CDCA7L: variants seen among roughly 807,000 people sequenced by gnomAD.
CDCA7L encodes the protein cell division cycle-associated 7-like protein.
In CDCA7L, 44 loss-of-function variants were observed where a neutral mutation model predicts 57.4. That is an observed-to-expected ratio of 0.77 (90% CI 0.60 to 0.98). The LOEUF (loss-of-function observed/expected upper bound fraction) is 0.98. Ranked by LOEUF, CDCA7L falls within the 50% of genes least tolerant of loss-of-function variation. The probability of loss-of-function intolerance (pLI) is 0.00; values close to 1 mark genes in which losing one functional copy is unlikely to be tolerated. For missense variants in CDCA7L, 644 were observed against 580.6 expected, an observed-to-expected ratio of 1.11 and a Z score of -1.12; for synonymous variants, 236 against 202.8, an observed-to-expected ratio of 1.16 and a Z score of -1.39.
chr7:21,927,562 G>A (rs922166009), intron 1 of CDCA7L, among the ~76,000 whole-genome samples: 1 of 152,072 alleles, frequency 6.6e-6, no homozygotes, highest in Non-Finnish European at 1.5e-5. Flanking sequence ...TAGGAATGAT[G>A]GGAGACTCAG....
rs1784901275 is a variant in CDCA7L at position 21,902,027 on chromosome 7, CT to C, written c.*294del. ...AATGTTTTCTCTCTAACTTACTTAC[CT>C]GAACTTTAACCCCACCCCATTTAAA... On this transcript the variant is annotated 3_prime_UTR_variant, in exon 10 of 10. Coordinates refer to ENST00000406877, the MANE Select transcript of CDCA7L (RefSeq NM_018719.5). 1 of 410,500 alleles carries C rather than the reference CT, an allele frequency of 2.4e-6. No homozygotes were observed. The highest frequency in any genetic ancestry group is 2.0e-5 in the African/African-American group (1 of 49,982). 25.4% of individuals were successfully genotyped at this position (410,500 alleles called of 1,614,324 possible).
At position 21,901,672 on chromosome 7, in the gene CDCA7L, A is replaced by ATTAT. The variant is rs1784870307; in HGVS notation, c.*646_*649dup. The ATTAT allele has an allele frequency of 1.3e-5, 2 of 156,986 alleles. No homozygotes were observed. The highest frequency in any genetic ancestry group is 4.8e-5 in the African/African-American group (2 of 41,436). 9.7% of individuals were successfully genotyped at this position (156,986 alleles called of 1,614,324 possible). ...TAATTTTTAACAAACAACAAATTAA[A>ATTAT]TTATTAGCCCTTAAACTCTTTCAAA... is the stretch of plus-strand genomic sequence containing the variant. On this transcript the variant is annotated 3_prime_UTR_variant, in exon 10 of 10. Coordinates refer to ENST00000406877, the MANE Select transcript of CDCA7L (RefSeq NM_018719.5).
intron 4 of CDCA7L, among the ~76,000 whole-genome samples, chr7:21,907,354 A>C (rs1217543871): frequency 1.3e-5 from 2 of 152,202 alleles, no homozygotes; most frequent in Admixed American, 1.3e-4. Context: ...TTTGTAAGTA[A>C]TTTATATTAG....
At chr7:21,934,734 T>C (rs567733554) in intron 1 of CDCA7L, among the ~76,000 whole-genome samples, 10 of 152,238 alleles carry the variant, frequency 6.6e-5, no homozygotes, top group African/African-American at 2.4e-4. Context: ...CAGAAAAAGA[T>C]ACTCGATGCA....
In CDCA7L at chr7:21,904,137, C is replaced by G; in HGVS notation, c.1170G>C (p.Glu390Asp). The change falls in exon 8 of 10, where the codon GAG (glutamate) becomes GAC (aspartate). Residue 390 changes from glutamate (E) to aspartate (D), a missense_variant. By Grantham distance (45) the Glu-to-Asp change is conservative. Coordinates refer to ENST00000406877, the MANE Select transcript of CDCA7L (RefSeq NM_018719.5). ...CGPCLRNRYGEDVRSALLDPD... is the reference protein window; with the variant it reads ...CGPCLRNRYGDDVRSALLDPD... ...GGTCCAGCAATGCCGATCTGACATC[C>G]TCCCCATAGCGGTTCCGCAGGCATG... is the stretch of plus-strand genomic sequence containing the variant. 3.7e-6 allele frequency: 6 copies of G among 1,607,032 alleles called. No individual in the cohort carries two copies. The highest frequency in any genetic ancestry group is 5.1e-6 in the Non-Finnish European group (6 of 1,177,160).
intron 1 of CDCA7L, among the ~76,000 whole-genome samples, chr7:21,931,562 C>A (rs1157851283): frequency 6.6e-6 from 1 of 152,106 alleles, no homozygotes; most frequent in Non-Finnish European, 1.5e-5. Context: ...AAAAGGCCGT[C>A]AATAAAATTC....
chr7:21,932,767 A>G (rs1032608300), intron 1 of CDCA7L, among the ~76,000 whole-genome samples: 32 of 152,346 alleles, frequency 2.1e-4, no homozygotes, highest in Middle Eastern at 3.4e-3. Context: ...CTAAAACACC[A>G]AAAGCAATGG....
chr7:21,902,371 G>A lies in CDCA7L; in HGVS notation c.1335-19C>T, dbSNP rs1228581610. 1.2e-6 allele frequency: 2 copies of A among 1,612,660 alleles called. No homozygotes were observed. The highest frequency in any genetic ancestry group is 2.2e-5 in the East Asian group (1 of 44,872). ...TTGTAAGCTGGGAAAAAGATGAGAA[G>A]TATTTGGTAAAGTAGTACAAATACA... is the stretch of plus-strand genomic sequence containing the variant. On this transcript the variant is annotated intron_variant, in intron 9 of 9. Transcript: ENST00000406877.
chr7:21,922,798 T>C (rs1785695873), intron 1 of CDCA7L, among the ~76,000 whole-genome samples: 1 of 152,130 alleles, frequency 6.6e-6, no homozygotes, highest in South Asian at 2.1e-4. Flanking sequence ...ATAAACAAAA[T>C]GTGAGACATA....
chr7:21,937,287 T>C (rs1214567132), intron 1 of CDCA7L, among the ~76,000 whole-genome samples: 3 of 152,036 alleles, frequency 2.0e-5, no homozygotes, highest in Admixed American at 6.6e-5. Flanking sequence ...CAAAAGTCCA[T>C]CCTAAAATTA....
intron 2 of CDCA7L, among the ~76,000 whole-genome samples, chr7:21,914,543 TAGGC>T (rs986898196): frequency 3.3e-5 from 5 of 152,070 alleles, no homozygotes; most frequent in African/African-American, 1.2e-4. Flanking sequence ...AGAGCACAGA[TAGGC>T]AGGAACAGCA....
chr7:21,901,233 G>A lies in CDCA7L; in HGVS notation c.*1089C>T, dbSNP rs1784815250. ...CTGCAAAATGGGTTCTGGCTGGAGTGGCTCTGCTTCTAGAAGCGTAAGGTA... is the reference window on the plus strand; with the variant it reads ...CTGCAAAATGGGTTCTGGCTGGAGTAGCTCTGCTTCTAGAAGCGTAAGGTA... On this transcript the variant is annotated 3_prime_UTR_variant, in exon 10 of 10. Coordinates refer to ENST00000406877, the MANE Select transcript of CDCA7L (RefSeq NM_018719.5). 1.9e-6 allele frequency: 3 copies of A among 1,612,836 alleles called. No homozygotes were observed. Among genetic ancestry groups the A allele is most frequent in the Non-Finnish European group, 2.5e-6 (3 of 1,179,248 alleles).
Position 21,901,159 on chromosome 7 carries a change from A to C in CDCA7L, c.*1163T>G. On this transcript the variant is annotated 3_prime_UTR_variant, in exon 10 of 10. Transcript: ENST00000406877. ...GTGCCCTGTGTATAGAACCAAACTG[A>C]GAGGCCCCAGCTACATCTGGACCTT... is the stretch of plus-strand genomic sequence containing the variant. 6.2e-7 allele frequency: 1 copy of C among 1,612,538 alleles called. No individual in the cohort carries two copies. The highest frequency in any genetic ancestry group is 1.1e-5 in the South Asian group (1 of 91,078).
chr7:21,938,800 T>A (rs1167752563), intron 1 of CDCA7L, among the ~76,000 whole-genome samples: 1 of 150,828 alleles, frequency 6.6e-6, no homozygotes, highest in East Asian at 1.9e-4. Context: ...AGCCCAGGAG[T>A]TCAAGACCAA....
Position 21,902,801 on chromosome 7 carries a change from T to C in CDCA7L, c.1334+177A>G, listed in dbSNP as rs1269993044. On this transcript the variant is annotated intron_variant, in intron 9 of 9. Coordinates refer to ENST00000406877, the MANE Select transcript of CDCA7L (RefSeq NM_018719.5). ...TCTAGCAAAGGAGAAGATTCCCTAA[T>C]AGGGAAAATATCAGGCCTGAGCTTT... 1.2e-5 allele frequency: 7 copies of C among 598,634 alleles called. No homozygotes were observed. In the South Asian group the frequency reaches 1.4e-4, roughly 12 times the overall value. The allele number at this position is 598,634 out of a possible 1,614,324, so 37.1% of individuals were successfully genotyped here. A position where few individuals can be genotyped will look rare whatever the true frequency, so the allele number is the denominator to read the frequency against.
intron 1 of CDCA7L, among the ~76,000 whole-genome samples, chr7:21,928,759 A>G (rs1395635191): frequency 1.3e-5 from 2 of 152,006 alleles, no homozygotes; most frequent in Non-Finnish European, 2.9e-5. Flanking sequence ...AGAGAAAAAA[A>G]GAGTGAAAAA....
At position 21,911,712 on chromosome 7, in the gene CDCA7L, T is replaced by C; in HGVS notation, c.208A>G (p.Arg70Gly). 2.5e-6 allele frequency: 4 copies of C among 1,613,904 alleles called. 1 individual carries two copies. In the Middle Eastern group the frequency reaches 6.6e-4, roughly 266 times the overall value. Residue 70 changes from arginine (R) to glycine (G), a missense_variant, in exon 3 of 10, where the codon AGA becomes GGA. Transcript: ENST00000406877. ...TCAGTGTCCTCTATAAAAATTCTTC[T>C]TAGCTCTTCTGTGAAGTATTTGGAA... ...FHSKYFTEEL[R>G]RIFIEDTDSE... is the part of the protein sequence containing the mutation.
At chr7:21,905,136 C>CAAAG (rs1182485311) in intron 7 of CDCA7L, among the ~76,000 whole-genome samples, 1 of 152,176 alleles carries the variant, frequency 6.6e-6, no homozygotes, top group Non-Finnish European at 1.5e-5. Flanking sequence ...CATTTCCTAC[C>CAAAG]AAAGATATTC....
At chr7:21,904,311 A>T in intron 7 of CDCA7L, 52 bp from the exon 8 acceptor site, 2 of 1,479,666 alleles carry the variant, frequency 1.4e-6, no homozygotes, top group Non-Finnish European at 1.8e-6. Flanking sequence ...CTGATGCCCA[A>T]TGAGGCCAGA....
Sources: allele counts gnomAD v4.1 joint callset (sites outside exome capture counted in the v4.1 genomes callset), GRCh38; gene constraint gnomAD v4.1.1; transcripts MANE v1.5; gene names NCBI Gene and HGNC (gene_info 2026-07-23, HGNC 2026-07-21).